FMO2: variants seen among roughly 807,000 people sequenced by gnomAD.
The protein encoded by FMO2 is flavin-containing monooxygenase 2.
A neutral mutation model predicts 41.6 loss-of-function variants in FMO2; 33 were observed. The observed-to-expected ratio is 0.79, with a 90% CI of 0.60 to 1.06. FMO2 has a LOEUF of 1.06. FMO2 is among the 50% of genes least tolerant of loss of function. The probability of loss-of-function intolerance (pLI) is 0.00; values close to 1 mark genes in which losing one functional copy is unlikely to be tolerated. For missense variants in FMO2, 619 were observed against 632.9 expected, an observed-to-expected ratio of 0.98 and a Z score of 0.23; for synonymous variants, 214 against 219.6, an observed-to-expected ratio of 0.97 and a Z score of 0.23.
intron 2 of FMO2, 50 bp from the exon 3 acceptor site, chr1:171,193,282 CAAA>C: frequency 1.4e-6 from 2 of 1,423,852 alleles, no homozygotes; most frequent in Non-Finnish European, 1.9e-6. Flanking sequence ...GAGTAAAAAA[CAAA>C]AAATTTTTGA....
chr1:171,212,556 G>T lies in FMO2; in HGVS notation c.*3411G>T, dbSNP rs2102025428. 6.6e-6 allele frequency among the ~76,000 whole-genome samples: 1 copy of T among 152,066 alleles called. No individual in the cohort carries two copies. Among genetic ancestry groups the T allele is most frequent in the East Asian group, 1.9e-4 (1 of 5,186 alleles). On this transcript the variant is annotated 3_prime_UTR_variant, in exon 9 of 9. Coordinates refer to ENST00000209929, the MANE Select transcript of FMO2 (RefSeq NM_001460.5). ...AGTTTCTTAATTTTTTCTATCAAAA[G>T]CTAAATATGGCACACTTGTTCTTTA...
At chr1:171,198,564 G>A (rs28369868) in intron 4 of FMO2, among the ~76,000 whole-genome samples, 15,844 of 151,778 alleles carry the variant, frequency 0.1, 1,489 homozygotes, top group African/African-American at 0.26. Context: ...ACAAGTGCAC[G>A]ACCACCCCTG....
In FMO2 at chr1:171,209,041, C is replaced by A; in HGVS notation, c.1504C>A (p.Arg502=). ...KQRILKPLKT[R]ALKDSSNFSV... ...AAGAATACTGAAGCCACTCAAGACT[C>A]GGGCCCTGAAGGATTCATCTAATTT... The change falls in exon 9 of 9, where the codon CGG becomes AGG. Residue 502 remains arginine (R), a synonymous_variant. Coordinates refer to ENST00000209929, the MANE Select transcript of FMO2 (RefSeq NM_001460.5). 1 of 1,273,668 alleles carries A rather than the reference C, an allele frequency of 7.9e-7. No homozygotes were observed. Among genetic ancestry groups the A allele is most frequent in the South Asian group, 1.4e-5 (1 of 73,006 alleles). 78.9% of individuals were successfully genotyped at this position (1,273,668 alleles called of 1,614,324 possible).
intron 2 of FMO2, chr1:171,186,177 A>T (rs1321663678): frequency 1.2e-5 from 2 of 172,362 alleles, no homozygotes; most frequent in African/African-American, 4.7e-5. Flanking sequence ...TCTTCTCAAG[A>T]TATCACTTCT....
In FMO2 at chr1:171,210,120, T is replaced by C. The variant is rs1421757809; in HGVS notation, c.*975T>C. 4 of 152,188 alleles carry C rather than the reference T, an allele frequency of 2.6e-5. No individual in the cohort carries two copies. Among genetic ancestry groups the C allele is most frequent in the African/African-American group, 7.2e-5 (3 of 41,458 alleles). 9.4% of individuals were successfully genotyped at this position (152,188 alleles called of 1,614,324 possible). ...ATACATCTGCTACTTTGGGAGGCCC[T>C]TTACATAGAAAACAGCATTCTTTTT... is the stretch of plus-strand genomic sequence containing the variant. On this transcript the variant is annotated 3_prime_UTR_variant, in exon 9 of 9. Coordinates refer to ENST00000209929, the MANE Select transcript of FMO2 (RefSeq NM_001460.5).
rs1379614473 is a variant in FMO2 at position 171,212,475 on chromosome 1, C to G, written c.*3330C>G. On this transcript the variant is annotated 3_prime_UTR_variant, in exon 9 of 9. Transcript: ENST00000209929. Reference sequence around the variant, plus strand: ...CTAAGACACCACCCTTTTCCAAAATCTCTCCTTGTGATGGCTCCCTTTACT... The same window carrying G: ...CTAAGACACCACCCTTTTCCAAAATGTCTCCTTGTGATGGCTCCCTTTACT... Among the ~76,000 whole-genome samples the G allele has an allele frequency of 6.6e-6, 1 of 152,200 alleles. No individual in the cohort carries two copies. The highest frequency in any genetic ancestry group is 2.4e-5 in the African/African-American group (1 of 41,454).
chr1:171,192,026 C>T (rs28369837), intron 2 of FMO2, among the ~76,000 whole-genome samples: 1 of 151,860 alleles, frequency 6.6e-6, no homozygotes, highest in Admixed American at 6.6e-5. Context: ...CAGAGTGAGA[C>T]CCTGTCTCAA....
rs371234521 is a variant in FMO2 at position 171,203,949 on chromosome 1, C to T, written c.712C>T (p.Arg238Trp). Residue 238 changes from arginine to tryptophan, a missense_variant, in exon 6 of 9, where the codon CGG (arginine) becomes TGG (tryptophan). Physicochemically the swap from Arg to Trp is moderately radical, Grantham distance 101. Coordinates refer to ENST00000209929, the MANE Select transcript of FMO2 (RefSeq NM_001460.5). ...TCCTTGGGACTCAGTGTTCCACACC[C>T]GGTTTCGTTCTATGCTCCGCAATGT... The part of the protein sequence containing the change: ...GYPWDSVFHT[R>W]FRSMLRNVLP... The T allele has an allele frequency of 1.4e-5, 23 of 1,613,546 alleles. No homozygotes were observed. The highest frequency in any genetic ancestry group is 6.6e-5 in the South Asian group (6 of 91,070).
intron 4 of FMO2, among the ~76,000 whole-genome samples, chr1:171,198,554 A>G (rs938319487): frequency 1.3e-5 from 2 of 151,902 alleles, no homozygotes; most frequent in Non-Finnish European, 2.9e-5. Context: ...AGCTGGGATT[A>G]CAAGTGCACG....
intron 3 of FMO2, among the ~76,000 whole-genome samples, chr1:171,195,117 TG>T (rs1487954040): frequency 1.3e-5 from 2 of 152,234 alleles, no homozygotes; most frequent in Non-Finnish European, 2.9e-5. Context: ...TCATTTCTCT[TG>T]GTTATTGTGT....
In FMO2 at chr1:171,207,797, A is replaced by T. The variant is rs199640809; in HGVS notation, c.1256+7A>T. 11 of 1,535,946 alleles carry T rather than the reference A, an allele frequency of 7.2e-6. No individual in the cohort carries two copies. Among genetic ancestry groups the T allele is most frequent in the Non-Finnish European group, 9.0e-6 (10 of 1,110,802 alleles). On this transcript the variant is annotated splice_region_variant and intron_variant, in intron 8 of 8. Transcript: ENST00000209929. The stretch of plus-strand genomic sequence containing the variant: ...ATGAAAAAAGAATTGACCTGTAAGA[A>T]TTTTTTTTAATTCTTTACATGAAGC...
At position 171,205,401 on chromosome 1, in the gene FMO2, C is replaced by A; in HGVS notation, c.950C>A (p.Thr317Lys). 1 of 1,613,790 alleles carries A rather than the reference C, an allele frequency of 6.2e-7. No individual in the cohort carries two copies. Among genetic ancestry groups the A allele is most frequent in the Non-Finnish European group, 8.5e-7 (1 of 1,179,764 alleles). ...ACTTCTGCCATCTTTGAGGATGGAA[C>A]AGTGGAGGAGAACATTGATGTCATC... ...TETSAIFEDG[T>K]VEENIDVIIF... is the part of the protein sequence containing the mutation. Residue 317 changes from threonine to lysine, a missense_variant, in exon 7 of 9, where the codon ACA becomes AAA. Coordinates refer to ENST00000209929, the MANE Select transcript of FMO2 (RefSeq NM_001460.5).
chr1:171,188,345 G>A (rs924677059), intron 2 of FMO2, among the ~76,000 whole-genome samples: 1 of 152,126 alleles, frequency 6.6e-6, no homozygotes, highest in Non-Finnish European at 1.5e-5. Context: ...CTATTCACTA[G>A]AAAAACTGGA....
intron 5 of FMO2, among the ~76,000 whole-genome samples, chr1:171,203,242 T>G (rs1271741648): frequency 6.6e-6 from 1 of 151,662 alleles, no homozygotes; most frequent in African/African-American, 2.4e-5. Context: ...GGAGGATCAC[T>G]TGAGCCTGGG....
At chr1:171,198,686 C>A (rs1214668021) in intron 4 of FMO2, among the ~76,000 whole-genome samples, 1 of 152,142 alleles carries the variant, frequency 6.6e-6, no homozygotes, top group Admixed American at 6.5e-5. Context: ...GCTGGGATTA[C>A]AGGTGTGAGC....
chr1:171,187,545 G>T (rs796159999), intron 2 of FMO2, among the ~76,000 whole-genome samples: 4 of 148,040 alleles, frequency 2.7e-5, no homozygotes, highest in African/African-American at 1.0e-4. Flanking sequence ...CTGAGACAGG[G>T]TCCTACTCTG....
chr1:171,194,120 C>T (rs1658208626), intron 3 of FMO2, among the ~76,000 whole-genome samples: 1 of 152,212 alleles, frequency 6.6e-6, no homozygotes, highest in African/African-American at 2.4e-5. Context: ...TCATTGAATA[C>T]ACCTAGCTTC....
At chr1:171,204,135 C>G in intron 6 of FMO2, 71 bp downstream of exon 6, 1 of 1,076,600 alleles carries the variant, frequency 9.3e-7, no homozygotes, top group Non-Finnish European at 1.4e-6. Flanking sequence ...TCTCCCTTAA[C>G]AAAGATTCAA....
At position 171,203,989 on chromosome 1, in the gene FMO2, C is replaced by A. The variant is rs778654793; in HGVS notation, c.752C>A (p.Ala251Asp). ...CTCCGCAATGTACTGCCACGAACAG[C>A]TGTAAAATGGATGATAGAACAACAG... ...SMLRNVLPRT[A>D]VKWMIEQQMN... Residue 251 changes from alanine (A) to aspartate (D), a missense_variant, in exon 6 of 9, where the codon GCT becomes GAT. Coordinates refer to ENST00000209929, the MANE Select transcript of FMO2 (RefSeq NM_001460.5). The A allele has an allele frequency of 6.2e-7, 1 of 1,613,672 alleles. No individual in the cohort carries two copies. The highest frequency in any genetic ancestry group is 8.5e-7 in the Non-Finnish European group (1 of 1,179,736).
Sources: allele counts gnomAD v4.1 joint callset (sites outside exome capture counted in the v4.1 genomes callset), GRCh38; gene constraint gnomAD v4.1.1; transcripts MANE v1.5; gene names NCBI Gene and HGNC (gene_info 2026-07-23, HGNC 2026-07-21).